Variants in LRRC4C observed in about 807,000 individuals in gnomAD.
The protein encoded by LRRC4C is leucine-rich repeat-containing protein 4C.
A neutral mutation model predicts 33.6 loss-of-function variants in LRRC4C; 5 were observed. The observed-to-expected ratio is 0.15, with a 90% CI of 0.08 to 0.31. The LOEUF (loss-of-function observed/expected upper bound fraction) is 0.31, where lower values mean the gene tolerates loss of function less well. Among genes scored for constraint, LRRC4C ranks in the 10% least tolerant of loss-of-function variants. LRRC4C has a pLI of 1.00. For synonymous variants in LRRC4C, 329 were observed against 302.0 expected (o/e 1.09, Z -0.93); for missense variants, 560 against 796.7 (o/e 0.70, Z 3.58).
intron 2 of LRRC4C, among the ~76,000 whole-genome samples, chr11:40,897,860 G>A (rs1956018596): frequency 6.6e-6 from 1 of 152,098 alleles, no homozygotes; most frequent in South Asian, 2.1e-4. Flanking sequence ...ACCAGCCATC[G>A]CTAACTGGCT....
Position 40,834,884 on chromosome 11 carries a change from G to GCAGA in LRRC4C, c.-407+98747_-407+98750dup, listed in dbSNP as rs201366160. Among the ~76,000 whole-genome samples, 39 of 122,264 alleles carry GCAGA rather than the reference G, an allele frequency of 3.2e-4. 7 individuals carry two copies. The highest frequency in any genetic ancestry group is 4.4e-3 in the Middle Eastern group (1 of 226). 80.2% of individuals were successfully genotyped at this position (122,264 alleles called of 152,430 possible). The stretch of plus-strand genomic sequence containing the variant: ...CAAAACATATGCAAAGAAAAGACAG[G>GCAGA]CAGACAGACAGACAGACAGACAGAC... On this transcript the variant is annotated intron_variant, in intron 2 of 6. Transcript: ENST00000528697.
At chr11:40,522,259 AC>A (rs2135237804) in intron 3 of LRRC4C, among the ~76,000 whole-genome samples, 1 of 152,258 alleles carries the variant, frequency 6.6e-6, no homozygotes, top group African/African-American at 2.4e-5. Context: ...TGAACTTTTG[AC>A]CTCAGGCGAT....
chr11:41,184,378 C>T (rs1219173695), intron 1 of LRRC4C, among the ~76,000 whole-genome samples: 1 of 152,008 alleles, frequency 6.6e-6, no homozygotes, highest in Non-Finnish European at 1.5e-5. Context: ...GAATGCTTTG[C>T]TGCTTAGAAA....
intron 1 of LRRC4C, among the ~76,000 whole-genome samples, chr11:41,128,992 G>A (rs570117263): frequency 6.6e-6 from 1 of 151,882 alleles, no homozygotes; most frequent in Non-Finnish European, 1.5e-5. Context: ...ATATATAAAA[G>A]GTAACTATAA....
intron 4 of LRRC4C, among the ~76,000 whole-genome samples, chr11:40,276,970 A>G (rs1181867267): frequency 6.6e-6 from 1 of 152,068 alleles, no homozygotes; most frequent in Non-Finnish European, 1.5e-5. Context: ...GAGCTATATC[A>G]CTATATCTCT....
At chr11:41,072,381 G>T (rs1938765973) in intron 1 of LRRC4C, among the ~76,000 whole-genome samples, 2 of 131,812 alleles carry the variant, frequency 1.5e-5, no homozygotes, top group South Asian at 2.3e-4. Context: ...AAAAAAAATT[G>T]TGATCTCCAT....
chr11:41,040,057 G>A (rs1253643985), intron 1 of LRRC4C, among the ~76,000 whole-genome samples: 1 of 148,400 alleles, frequency 6.7e-6, no homozygotes, highest in Non-Finnish European at 1.5e-5. Flanking sequence ...AGGATGGCGT[G>A]AACCCAGGAG....
chr11:40,533,199 T>G (rs1956340547), intron 3 of LRRC4C, among the ~76,000 whole-genome samples: 1 of 152,176 alleles, frequency 6.6e-6, no homozygotes, highest in Admixed American at 6.6e-5. Flanking sequence ...AATAGTGGTT[T>G]GCATTTAAAC....
At chr11:40,938,094 G>T (rs1957984232) in intron 1 of LRRC4C, among the ~76,000 whole-genome samples, 1 of 152,166 alleles carries the variant, frequency 6.6e-6, no homozygotes, top group Non-Finnish European at 1.5e-5. Flanking sequence ...ACTACTGCTT[G>T]AAGTCATTTA....
rs117884625 is a variant in LRRC4C at position 40,481,461 on chromosome 11, A to T, written c.-269-161740T>A. 2.5e-3 allele frequency among the ~76,000 whole-genome samples: 386 copies of T among 152,290 alleles called. 14 individuals carry two copies. In the East Asian group the frequency reaches 0.071, roughly 28 times the overall value. ...CATACATACTGGGTGTTAAAATTTA[A>T]TATTTTTCTGTCAGAGACTGTTGAT... is the stretch of plus-strand genomic sequence containing the variant. On this transcript the variant is annotated intron_variant, in intron 3 of 6. Coordinates refer to ENST00000528697, the MANE Select transcript of LRRC4C (RefSeq NM_001258419.2).
intron 1 of LRRC4C, among the ~76,000 whole-genome samples, chr11:40,961,244 A>G (rs188262400): frequency 3.3e-4 from 50 of 151,884 alleles, no homozygotes; most frequent in African/African-American, 1.2e-3. Flanking sequence ...CTAGAATAGC[A>G]AATGTCAGAT....
chr11:40,763,751 G>T (rs181006421), intron 2 of LRRC4C, among the ~76,000 whole-genome samples: 2 of 152,126 alleles, frequency 1.3e-5, no homozygotes, highest in Non-Finnish European at 2.9e-5. Context: ...GAGCTCAAGG[G>T]GGGAGCATTT....
intron 3 of LRRC4C, among the ~76,000 whole-genome samples, chr11:40,612,698 C>T (rs549666451): frequency 1.8e-4 from 27 of 151,948 alleles, no homozygotes; most frequent in Non-Finnish European, 3.2e-4. Context: ...TATGCACATA[C>T]ACATATTTTA....
intron 1 of LRRC4C, among the ~76,000 whole-genome samples, chr11:41,237,122 G>A (rs1206984326): frequency 6.6e-6 from 1 of 152,212 alleles, no homozygotes; most frequent in Non-Finnish European, 1.5e-5. Context: ...ATTAACTACA[G>A]TTTGGAGTTT....
intron 2 of LRRC4C, among the ~76,000 whole-genome samples, chr11:40,664,812 A>C (rs1943629450): frequency 6.6e-6 from 1 of 152,084 alleles, no homozygotes; most frequent in Non-Finnish European, 1.5e-5. Context: ...TCTAGGGTAC[A>C]TGTGCACAAC....
chr11:40,491,555 G>A (rs1172374538), intron 3 of LRRC4C, among the ~76,000 whole-genome samples: 1 of 152,106 alleles, frequency 6.6e-6, no homozygotes, highest in African/African-American at 2.4e-5. Context: ...TTGTAGGAAT[G>A]CGTACCTCAG....
chr11:40,143,554 C>T (rs1480823954), intron 5 of LRRC4C, among the ~76,000 whole-genome samples: 1 of 152,090 alleles, frequency 6.6e-6, no homozygotes, highest in Non-Finnish European at 1.5e-5. Flanking sequence ...TGCCCTTCAC[C>T]CAGACAGACC....
intron 1 of LRRC4C, among the ~76,000 whole-genome samples, chr11:41,296,400 T>G (rs1950144585): frequency 6.6e-6 from 1 of 151,662 alleles, no homozygotes; most frequent in Non-Finnish European, 1.5e-5. Context: ...GTGCAGCCTC[T>G]GCCTCCCAGG....
intron 6 of LRRC4C, among the ~76,000 whole-genome samples, chr11:40,120,507 AG>A (rs908052390): frequency 3.3e-5 from 5 of 152,128 alleles, no homozygotes; most frequent in African/African-American, 1.2e-4. Context: ...AAACAGACAT[AG>A]GTTTCAGGGG....
Sources: gnomAD v4.1 joint callset for allele counts (sites outside exome capture counted in the v4.1 genomes callset) on GRCh38, gnomAD v4.1.1 for gene constraint, MANE v1.5 for transcripts, NCBI Gene and HGNC (gene_info 2026-07-23, HGNC 2026-07-21) for gene names.